The following DENND4C variants were observed in gnomAD, a reference collection of about 807,000 sequenced individuals.
The protein encoded by DENND4C is DENN domain containing 4C.
In DENND4C, 108 loss-of-function variants were observed where a neutral mutation model predicts 203.0. The ratio of observed to expected loss-of-function variants is 0.53; its 90% CI spans 0.46 to 0.62. The LOEUF (loss-of-function observed/expected upper bound fraction) is 0.62. DENND4C is among the 20% of genes least tolerant of loss of function. DENND4C has a pLI of 0.00. For synonymous variants in DENND4C, 871 were observed against 792.4 expected (o/e 1.10, Z -1.67); for missense variants, 2,481 against 2,301.2 (o/e 1.08, Z -1.60).
chr9:19,289,684 C>G (rs1317700284), intron 4 of DENND4C, among the ~76,000 whole-genome samples: 1 of 151,946 alleles, frequency 6.6e-6, no homozygotes, highest in Non-Finnish European at 1.5e-5. Context: ...CAAAAATTAG[C>G]CAGGCGTGGT....
intron 1 of DENND4C, among the ~76,000 whole-genome samples, chr9:19,245,855 C>CAA (rs60726607): frequency 1.7e-4 from 24 of 137,242 alleles, no homozygotes; most frequent in Non-Finnish European, 3.0e-4. Context: ...GACTCCGTCT[C>CAA]AAAAAAAAAA....
intron 24 of DENND4C, among the ~76,000 whole-genome samples, chr9:19,351,098 C>T (rs1450755450): frequency 6.6e-6 from 1 of 152,006 alleles, no homozygotes; most frequent in African/African-American, 2.4e-5. Context: ...GCCTGTAACT[C>T]CCCGCTCAAT....
At chr9:19,255,222 G>A (rs912426425) in intron 1 of DENND4C, among the ~76,000 whole-genome samples, 2 of 152,056 alleles carry the variant, frequency 1.3e-5, no homozygotes, top group Non-Finnish European at 2.9e-5. Flanking sequence ...GGGTAGCATA[G>A]AGAGACCCTG....
At chr9:19,355,032 C>T (rs1588977671) in intron 26 of DENND4C, among the ~76,000 whole-genome samples, 1 of 151,836 alleles carries the variant, frequency 6.6e-6, no homozygotes, top group South Asian at 2.1e-4. Flanking sequence ...GCCTCAGCCT[C>T]CCAAGTAGCT....
In DENND4C at chr9:19,322,745, A is replaced by T. The variant is rs534051856; in HGVS notation, c.1808-1617A>T. Among the ~76,000 whole-genome samples the T allele has an allele frequency of 2.0e-3, 311 of 151,982 alleles. 1 individual carries two copies. The highest frequency in any genetic ancestry group is 3.5e-3 in the Non-Finnish European group (237 of 67,954). On this transcript the variant is annotated intron_variant, in intron 12 of 32. Transcript: ENST00000434457. Reference sequence around the variant, plus strand: ...AGACTTCATCTCAAAAAAAAAAAAAAAAAAAATAAGGGGGCCAGTGGATTG... The same window carrying T: ...AGACTTCATCTCAAAAAAAAAAAAATAAAAAATAAGGGGGCCAGTGGATTG...
chr9:19,323,996 C>T (rs944509846), intron 12 of DENND4C, among the ~76,000 whole-genome samples: 1 of 152,168 alleles, frequency 6.6e-6, no homozygotes, highest in Non-Finnish European at 1.5e-5. Flanking sequence ...AAGTACTTAA[C>T]ACACACTTTG....
intron 20 of DENND4C, among the ~76,000 whole-genome samples, chr9:19,337,171 A>G (rs1820672288): frequency 1.3e-5 from 2 of 152,234 alleles, no homozygotes; most frequent in South Asian, 4.1e-4. Context: ...TTAAATAGAA[A>G]ATGTATCTTA....
At chr9:19,274,978 A>G (rs1327231701) in intron 1 of DENND4C, among the ~76,000 whole-genome samples, 1 of 152,128 alleles carries the variant, frequency 6.6e-6, no homozygotes, top group Admixed American at 6.6e-5. Flanking sequence ...CTGACAGTTT[A>G]GTATTATTAT....
At position 19,330,788 on chromosome 9, in the gene DENND4C, G is replaced by A. The variant is rs905575612; in HGVS notation, c.2254-1190G>A. 2.6e-5 allele frequency among the ~76,000 whole-genome samples: 4 copies of A among 151,956 alleles called. No individual in the cohort carries two copies. The East Asian group carries it at 5.8e-4, about 22-fold the overall frequency. On this transcript the variant is annotated intron_variant, in intron 16 of 32. Coordinates refer to ENST00000434457, the MANE Select transcript of DENND4C (RefSeq NM_001330640.2). ...CAGATGGCTGGGCACGGCAGCTCAC[G>A]TCTATAATCCCAGCACTTTGGGAGG...
At position 19,372,266 on chromosome 9, in the gene DENND4C, G is replaced by A. The variant is rs1828979391; in HGVS notation, c.*93G>A. On this transcript the variant is annotated 3_prime_UTR_variant, in exon 33 of 33. Transcript: ENST00000434457. ...TTTTTTTTCCAAATCGTAAGAACTG[G>A]TGAATACGGAATTGAAGTAACTCTT... The A allele has an allele frequency of 1.4e-6, 2 of 1,459,872 alleles. No individual in the cohort carries two copies. Among genetic ancestry groups the A allele is most frequent in the South Asian group, 1.3e-5 (1 of 74,966 alleles). 90.4% of individuals were successfully genotyped at this position (1,459,872 alleles called of 1,614,324 possible). A position where few individuals can be genotyped will look rare whatever the true frequency, so the allele number is the denominator to read the frequency against.
At chr9:19,360,592 A>G in intron 29 of DENND4C, 103 bp downstream of exon 29, 1 of 1,444,328 alleles carries the variant, frequency 6.9e-7, no homozygotes, top group Non-Finnish European at 9.5e-7. Context: ...AGACAGATTT[A>G]TTTCTCTCTC....
chr9:19,291,022 A>G, intron 5 of DENND4C, 146 bp downstream of exon 5: 2 of 792,582 alleles, frequency 2.5e-6, no homozygotes, highest in Non-Finnish European at 3.8e-6. Context: ...AAGGTGAGAA[A>G]TCAACATGAA....
In DENND4C at chr9:19,346,009, T is replaced by C. The variant is rs16937483; in HGVS notation, c.3240T>C (p.Asp1080=). ...GEATNLKKNG[D]RGEKRQKHFP... ...CTACTAATCTCAAGAAGAATGGTGATAGAGGAGAAAAAAGACAAAAGCATT... is the reference window on the plus strand; with the variant it reads ...CTACTAATCTCAAGAAGAATGGTGACAGAGGAGAAAAAAGACAAAAGCATT... The change falls in exon 23 of 33, where the codon GAT becomes GAC. Residue 1080 remains aspartate, a synonymous_variant. Transcript: ENST00000434457. 4,305 of 1,614,058 alleles carry C rather than the reference T, an allele frequency of 2.7e-3. 99 individuals carry two copies. In the African/African-American group the frequency reaches 0.051, roughly 19 times the overall value.
At chr9:19,318,735 C>A (rs1563798013) in intron 12 of DENND4C, among the ~76,000 whole-genome samples, 1 of 152,090 alleles carries the variant, frequency 6.6e-6, no homozygotes, top group African/African-American at 2.4e-5. Context: ...GTTTTATGTC[C>A]AAATATCCTC....
chr9:19,245,360 G>C (rs922513675), intron 1 of DENND4C, among the ~76,000 whole-genome samples: 1 of 151,556 alleles, frequency 6.6e-6, no homozygotes. Flanking sequence ...CCAGCTACTC[G>C]GGAGGCTGAG....
chr9:19,273,841 C>T (rs975126953), intron 1 of DENND4C, among the ~76,000 whole-genome samples: 6 of 151,980 alleles, frequency 3.9e-5, no homozygotes, highest in African/African-American at 9.7e-5. Flanking sequence ...GGTACACTCC[C>T]TTTAGAAAAC....
rs371187341 is a variant in DENND4C at position 19,331,234 on chromosome 9, C to T, written c.2254-744C>T. On this transcript the variant is annotated intron_variant, in intron 16 of 32. Transcript: ENST00000434457. The stretch of plus-strand genomic sequence containing the variant: ...TTTTTTTTTTTTTGAGATGGAGTAT[C>T]GCTCTGTCGCCAGGCTGGAGTGCAG... Among the ~76,000 whole-genome samples the T allele has an allele frequency of 4.3e-4, 64 of 147,158 alleles. 1 individual carries two copies. The South Asian group carries it at 0.011, about 26-fold the overall frequency.
In DENND4C at chr9:19,371,740, C is replaced by T. The variant is rs758558191; in HGVS notation, c.5676-16C>T. The T allele has an allele frequency of 4.6e-6, 6 of 1,318,494 alleles. No individual in the cohort carries two copies. The South Asian group carries it at 6.6e-5, about 14-fold the overall frequency. The allele number at this position is 1,318,494 out of a possible 1,614,324, so 81.7% of individuals were successfully genotyped here. ...GCTATTTGCCCATTGACTTTTAAAACATATTTGTTTTATAGGAGTTTATAC... is the reference window on the plus strand; with the variant it reads ...GCTATTTGCCCATTGACTTTTAAAATATATTTGTTTTATAGGAGTTTATAC... On this transcript the variant is annotated splice_polypyrimidine_tract_variant and intron_variant, in intron 31 of 32. Transcript: ENST00000434457.
At chr9:19,247,647 G>T (rs747233532) in intron 1 of DENND4C, among the ~76,000 whole-genome samples, 12 of 152,120 alleles carry the variant, frequency 7.9e-5, no homozygotes, top group Non-Finnish European at 1.5e-4. Context: ...TCCCACCTTG[G>T]CCTCCCAAAG....
Sources: gnomAD v4.1 joint callset for allele counts (sites outside exome capture counted in the v4.1 genomes callset) on GRCh38, gnomAD v4.1.1 for gene constraint, MANE v1.5 for transcripts, NCBI Gene and HGNC (gene_info 2026-07-23, HGNC 2026-07-21) for gene names.